ATP8B4: variants seen among roughly 807,000 people sequenced by gnomAD.
ATP8B4 encodes the protein probable phospholipid-transporting ATPase IM.
In ATP8B4, 133 loss-of-function variants were observed where a neutral mutation model predicts 145.6. The ratio of observed to expected loss-of-function variants is 0.91; its 90% CI spans 0.79 to 1.05. The LOEUF is 1.05. ATP8B4 is among the 50% of genes least tolerant of loss of function. The probability of loss-of-function intolerance (pLI) is 0.00; values close to 1 mark genes in which losing one functional copy is unlikely to be tolerated. For missense variants in ATP8B4, 1,458 were observed against 1,425.2 expected (o/e 1.02, Z -0.37); for synonymous variants, 507 against 492.9 (o/e 1.03, Z -0.38).
At chr15:49,967,891 A>T (rs1482976272) in intron 13 of ATP8B4, among the ~76,000 whole-genome samples, 2 of 152,228 alleles carry the variant, frequency 1.3e-5, no homozygotes, top group African/African-American at 4.8e-5. Flanking sequence ...CAGGTTACCC[A>T]CAAAGGGAAG....
chr15:50,062,995 G>A (rs1270665591), intron 3 of ATP8B4, among the ~76,000 whole-genome samples: 2 of 151,874 alleles, frequency 1.3e-5, no homozygotes, highest in African/African-American at 4.8e-5. Flanking sequence ...TATGACTTGG[G>A]GAGGAATCTT....
chr15:49,913,825 A>C (rs925889862), intron 20 of ATP8B4, among the ~76,000 whole-genome samples: 6 of 152,224 alleles, frequency 3.9e-5, no homozygotes, highest in Non-Finnish European at 8.8e-5. Flanking sequence ...AAGGAGGTGA[A>C]AAACCTCCAC....
chr15:49,921,247 T>A (rs190015690), intron 17 of ATP8B4, among the ~76,000 whole-genome samples: 1 of 152,310 alleles, frequency 6.6e-6, no homozygotes, highest in Non-Finnish European at 1.5e-5. Context: ...TAACAAATTG[T>A]TGGGAATTTT....
intron 26 of ATP8B4, among the ~76,000 whole-genome samples, chr15:49,865,382 G>A (rs997889804): frequency 6.6e-6 from 1 of 152,148 alleles, no homozygotes; most frequent in Non-Finnish European, 1.5e-5. Flanking sequence ...TAGTAAACCA[G>A]TAAATGGGTC....
chr15:50,027,380 T>TGGATGGATGGATGGATGGAC (rs1364366255), intron 6 of ATP8B4, among the ~76,000 whole-genome samples: 2 of 24,068 alleles, frequency 8.3e-5, no homozygotes, highest in African/African-American at 2.0e-3. Context: ...GATGGATGGG[T>TGGATGGATGGATGGATGGAC]GGATGGATGG....
intron 20 of ATP8B4, among the ~76,000 whole-genome samples, chr15:49,916,202 C>T (rs1160376692): frequency 6.6e-6 from 1 of 151,888 alleles, no homozygotes; most frequent in Non-Finnish European, 1.5e-5. Context: ...CGTTCTTCTC[C>T]AAATAAAGTA....
At chr15:50,038,706 C>T (rs774197414) in intron 6 of ATP8B4, 62 bp downstream of exon 6, 576 of 1,255,268 alleles carry the variant, frequency 4.6e-4, no homozygotes, top group Non-Finnish European at 6.0e-4. Flanking sequence ...AGCCACCAAT[C>T]GTCAAGAGCT....
chr15:50,077,276 C>T (rs1040331115), intron 2 of ATP8B4, among the ~76,000 whole-genome samples: 48 of 152,228 alleles, frequency 3.2e-4, no homozygotes, highest in Non-Finnish European at 1.2e-4. Context: ...TTTAAGATAG[C>T]AAGTTGAGTC....
At chr15:49,943,600 A>G (rs377356581) in intron 14 of ATP8B4, among the ~76,000 whole-genome samples, 1 of 152,210 alleles carries the variant, frequency 6.6e-6, no homozygotes, top group Non-Finnish European at 1.5e-5. Flanking sequence ...TCTGCCAACA[A>G]AGAATAACAG....
chr15:50,133,843 A>G (rs2044083904), intron 1 of ATP8B4, among the ~76,000 whole-genome samples: 1 of 152,148 alleles, frequency 6.6e-6, no homozygotes, highest in Non-Finnish European at 1.5e-5. Flanking sequence ...CTCCACACAC[A>G]CAAAATAATG....
intron 1 of ATP8B4, among the ~76,000 whole-genome samples, chr15:50,165,252 C>T (rs1567414946): frequency 6.6e-6 from 1 of 151,992 alleles, no homozygotes; most frequent in African/African-American, 2.4e-5. Flanking sequence ...GGGGTTTTAC[C>T]CTGTTGGCTA....
At chr15:50,099,728 C>T (rs1279724933) in intron 2 of ATP8B4, among the ~76,000 whole-genome samples, 2 of 152,166 alleles carry the variant, frequency 1.3e-5, no homozygotes, top group African/African-American at 4.8e-5. Context: ...AGGGGCTAGA[C>T]CTTTTTACAT....
At chr15:49,952,369 AT>A (rs1201524808) in intron 14 of ATP8B4, among the ~76,000 whole-genome samples, 2 of 151,870 alleles carry the variant, frequency 1.3e-5, no homozygotes, top group Non-Finnish European at 2.9e-5. Flanking sequence ...GAAGTCCCAT[AT>A]TTCTTGGAGC....
chr15:50,111,138 T>A (rs1302026740), intron 1 of ATP8B4, among the ~76,000 whole-genome samples: 1 of 152,122 alleles, frequency 6.6e-6, no homozygotes, highest in Non-Finnish European at 1.5e-5. Flanking sequence ...CTTCTTACAG[T>A]GAAAATGGGC....
chr15:50,006,250 T>C (rs886739402), intron 7 of ATP8B4, among the ~76,000 whole-genome samples: 5 of 148,516 alleles, frequency 3.4e-5, no homozygotes, highest in African/African-American at 1.0e-4. Context: ...ATGGACATCA[T>C]AAAATTTATT....
intron 2 of ATP8B4, 147 bp from the exon 3 acceptor site, chr15:50,074,332 G>T: frequency 1.5e-6 from 1 of 684,236 alleles, no homozygotes; most frequent in Non-Finnish European, 2.4e-6. Context: ...TTTTTCCAGT[G>T]TACATGTTGG....
intron 14 of ATP8B4, among the ~76,000 whole-genome samples, chr15:49,961,132 CAA>C (rs11392215): frequency 3.1e-5 from 4 of 130,830 alleles, no homozygotes; most frequent in Non-Finnish European, 5.0e-5. Flanking sequence ...GACTCCATCT[CAA>C]AAAAAAAAAA....
At chr15:50,043,805 T>G (rs1052277957) in intron 5 of ATP8B4, among the ~76,000 whole-genome samples, 21 of 148,976 alleles carry the variant, frequency 1.4e-4, no homozygotes, top group African/African-American at 5.2e-4. Flanking sequence ...TACAAAAAAT[T>G]AGCCGGGCGC....
intron 6 of ATP8B4, among the ~76,000 whole-genome samples, chr15:50,019,329 G>A (rs1270910511): frequency 1.3e-5 from 2 of 152,100 alleles, no homozygotes; most frequent in Non-Finnish European, 2.9e-5. Context: ...ATTGAGACTG[G>A]AATTCTCTGC....
Sources: allele counts gnomAD v4.1 joint callset (sites outside exome capture counted in the v4.1 genomes callset), GRCh38; gene constraint gnomAD v4.1.1; transcripts MANE v1.5; gene names NCBI Gene and HGNC (gene_info 2026-07-23, HGNC 2026-07-21).